Variants in XNDC1N observed in about 807,000 individuals in gnomAD.
XNDC1N encodes XRCC1 N-terminal domain containing 1, N-terminal like, also known as protein XNDC1N.
chr11:71,909,571 C>A, the XNDC1N span, among the ~76,000 whole-genome samples: 1 of 152,320 alleles, frequency 6.6e-6, no homozygotes, highest in Admixed American at 6.5e-5. Context: ...TCCCAAAGAG[C>A]CTCTGGTCAG....
At chr11:71,915,813 G>A in the XNDC1N span, among the ~76,000 whole-genome samples, 1 of 152,266 alleles carries the variant, frequency 6.6e-6, no homozygotes, top group South Asian at 2.1e-4. Context: ...AATAATTTAT[G>A]GCTAAAGAGC....
the XNDC1N span, among the ~76,000 whole-genome samples, chr11:71,866,620 C>T: frequency 6.6e-6 from 1 of 152,010 alleles, no homozygotes; most frequent in South Asian, 2.1e-4. Context: ...AAAAATTAGC[C>T]AGGCATGGTG....
At chr11:71,916,074 C>T in the XNDC1N span, 11 of 702,172 alleles carry the variant, frequency 1.6e-5, 1 homozygote, top group South Asian at 1.2e-4. Flanking sequence ...TCATACATAC[C>T]TTGTTCAGCA....
chr11:71,888,091 C>A, the XNDC1N span, among the ~76,000 whole-genome samples: 3 of 152,124 alleles, frequency 2.0e-5, no homozygotes, highest in East Asian at 3.9e-4. Context: ...AGGTTGATGA[C>A]CTTCTGCTGG....
At chr11:71,923,560 G>GTTT in the XNDC1N span, 2,718 of 429,560 alleles carry the variant, frequency 6.3e-3, no homozygotes, top group Non-Finnish European at 7.7e-3. Context: ...TTTCTGTTTT[G>GTTT]TTTTTTTTTT....
chr11:71,913,665 T>TAAAAAAAAA, the XNDC1N span, among the ~76,000 whole-genome samples: 74 of 105,304 alleles, frequency 7.0e-4, no homozygotes, highest in Non-Finnish European at 9.3e-4. Context: ...TCTCAAAAGA[T>TAAAAAAAAA]AAAAAAAAAA....
chr11:71,876,242 C>G, the XNDC1N span, among the ~76,000 whole-genome samples: 1 of 152,110 alleles, frequency 6.6e-6, no homozygotes, highest in Non-Finnish European at 1.5e-5. Flanking sequence ...ATTTAATTAT[C>G]TAATGGTAAA....
the XNDC1N span, among the ~76,000 whole-genome samples, chr11:71,898,880 T>A: frequency 1.3e-5 from 2 of 152,158 alleles, no homozygotes; most frequent in African/African-American, 4.8e-5. Context: ...ATACTGGCCA[T>A]TCTATATGAA....
chr11:71,905,318 G>C, the XNDC1N span, among the ~76,000 whole-genome samples: 3 of 151,614 alleles, frequency 2.0e-5, no homozygotes, highest in Non-Finnish European at 4.4e-5. Flanking sequence ...TTAGGAGTAA[G>C]CTCTTCCTAG....
the XNDC1N span, among the ~76,000 whole-genome samples, chr11:71,888,725 A>C: frequency 6.6e-6 from 1 of 152,218 alleles, no homozygotes; most frequent in Admixed American, 6.5e-5. Context: ...AAAACTGAAC[A>C]TTAAGGCCTC....
the XNDC1N span, among the ~76,000 whole-genome samples, chr11:71,894,645 T>A: frequency 2.6e-5 from 4 of 152,240 alleles, no homozygotes; most frequent in Admixed American, 2.6e-4. Flanking sequence ...CGGCCTCTTT[T>A]AGTTTCTGAG....
the XNDC1N span, chr11:71,923,265 T>G: frequency 1.4e-6 from 1 of 702,116 alleles, no homozygotes; most frequent in Non-Finnish European, 2.6e-6. Context: ...TTTTCACTCC[T>G]TTCAGTTATT....
At chr11:71,885,990 A>G in the XNDC1N span, among the ~76,000 whole-genome samples, 1 of 151,858 alleles carries the variant, frequency 6.6e-6, no homozygotes, top group African/African-American at 2.4e-5. Flanking sequence ...GTGTCAATTA[A>G]TAATTGAGAT....
the XNDC1N span, among the ~76,000 whole-genome samples, chr11:71,921,405 A>G: frequency 2.6e-5 from 4 of 152,090 alleles, no homozygotes. Context: ...CAGCCTCCCA[A>G]AGTGTTGGGA....
At chr11:71,923,001 G>A in the XNDC1N span, among the ~76,000 whole-genome samples, 1 of 152,210 alleles carries the variant, frequency 6.6e-6, no homozygotes, top group Non-Finnish European at 1.5e-5. Context: ...ATGATAGAAT[G>A]ATCAAACTCC....
the XNDC1N span, among the ~76,000 whole-genome samples, chr11:71,866,574 G>A: frequency 6.6e-6 from 1 of 152,188 alleles, no homozygotes; most frequent in African/African-American, 2.4e-5. Context: ...GACCAGCCTG[G>A]CCAACATGGC....
the XNDC1N span, among the ~76,000 whole-genome samples, chr11:71,885,438 G>A: frequency 6.6e-6 from 1 of 152,092 alleles, no homozygotes; most frequent in African/African-American, 2.4e-5. Context: ...TGCGATGTTG[G>A]GAGTAATAGC....
chr11:71,900,992 T>G, the XNDC1N span, among the ~76,000 whole-genome samples: 8 of 152,300 alleles, frequency 5.3e-5, no homozygotes, highest in South Asian at 1.2e-3. Flanking sequence ...CTCAGGCGGA[T>G]GCCCCTGCTC....
the XNDC1N span, among the ~76,000 whole-genome samples, chr11:71,885,095 T>A: frequency 6.6e-6 from 1 of 152,196 alleles, no homozygotes; most frequent in East Asian, 1.9e-4. Flanking sequence ...CAAACCGGTG[T>A]ACACCCTGGG....
Sources: allele counts gnomAD v4.1 joint callset (sites outside exome capture counted in the v4.1 genomes callset), GRCh38; gene constraint gnomAD v4.1.1; transcripts MANE v1.5; gene names NCBI Gene and HGNC (gene_info 2026-07-23, HGNC 2026-07-21).